Variants in RHEB observed in about 807,000 individuals in gnomAD.
RHEB encodes Ras homolog, mTORC1 binding.
Under a neutral mutation model 28.8 loss-of-function variants are expected in RHEB, and 2 were observed. The ratio of observed to expected loss-of-function variants is 0.07; its 90% CI spans 0.03 to 0.22. The LOEUF is 0.22. Among genes scored for constraint, RHEB ranks in the 10% least tolerant of loss-of-function variants. RHEB has a pLI of 1.00. For missense variants in RHEB, 76 were observed against 219.9 expected, an observed-to-expected ratio of 0.35 and a Z score of 4.14; for synonymous variants, 69 against 77.3, an observed-to-expected ratio of 0.89 and a Z score of 0.56.
chr7:151,484,446 T>G (rs572281525), intron 3 of RHEB, among the ~76,000 whole-genome samples: 2 of 152,336 alleles, frequency 1.3e-5, no homozygotes, highest in East Asian at 3.9e-4. Context: ...CATACTAACA[T>G]TTAGTTATCT....
chr7:151,488,370 A>G (rs895219224), intron 2 of RHEB, among the ~76,000 whole-genome samples: 5 of 152,342 alleles, frequency 3.3e-5, no homozygotes, highest in Non-Finnish European at 7.3e-5. Flanking sequence ...AGTGTTTGCT[A>G]TAACAGCTTG....
At chr7:151,509,329 T>C (rs545617663) in intron 1 of RHEB, among the ~76,000 whole-genome samples, 1 of 152,312 alleles carries the variant, frequency 6.6e-6, no homozygotes, top group East Asian at 1.9e-4. Flanking sequence ...CCTGTGTGGG[T>C]GGTCGCTAGG....
chr7:151,486,968 A>G (rs1802487902), intron 2 of RHEB, among the ~76,000 whole-genome samples: 2 of 152,186 alleles, frequency 1.3e-5, no homozygotes, highest in Admixed American at 1.3e-4. Context: ...GGTTTTAGGG[A>G]TGTTTTGGGA....
intron 1 of RHEB, among the ~76,000 whole-genome samples, chr7:151,511,465 C>T (rs1390276230): frequency 6.6e-6 from 1 of 150,754 alleles, no homozygotes; most frequent in African/African-American, 2.4e-5. Context: ...TTAAACTGCC[C>T]TGCTTTCTTA....
intron 1 of RHEB, among the ~76,000 whole-genome samples, chr7:151,494,328 C>A (rs1052788130): frequency 2.6e-5 from 4 of 152,092 alleles, no homozygotes; most frequent in African/African-American, 9.7e-5. Flanking sequence ...ACCTGACTTG[C>A]GGGAGTGAAG....
chr7:151,501,311 CAAAG>C (rs938556736), intron 1 of RHEB, among the ~76,000 whole-genome samples: 1 of 152,070 alleles, frequency 6.6e-6, no homozygotes, highest in Non-Finnish European at 1.5e-5. Flanking sequence ...AACACTTTAA[CAAAG>C]AAAATATTCA....
chr7:151,470,048 G>A (rs1802133394), intron 7 of RHEB, among the ~76,000 whole-genome samples: 1 of 152,168 alleles, frequency 6.6e-6, no homozygotes, highest in African/African-American at 2.4e-5. Flanking sequence ...GCCTCCGGAG[G>A]CAGAATCTAC....
intron 1 of RHEB, among the ~76,000 whole-genome samples, chr7:151,508,328 T>TC (rs1323800121): frequency 2.8e-4 from 43 of 151,966 alleles, no homozygotes; most frequent in Admixed American, 2.8e-3. Flanking sequence ...GATAATTTCT[T>TC]CAAAAGTTCT....
chr7:151,516,885 C>T (rs532158551), intron 1 of RHEB, among the ~76,000 whole-genome samples: 8 of 152,242 alleles, frequency 5.3e-5, no homozygotes, highest in African/African-American at 1.9e-4. Context: ...AACACAGGTA[C>T]TCAAATTTCT....
At chr7:151,502,894 A>G in intron 1 of RHEB, 1 of 836,546 alleles carries the variant, frequency 1.2e-6, no homozygotes, top group Non-Finnish European at 2.1e-6. Context: ...ATCAGAGGTT[A>G]CAATCGAAAG....
chr7:151,517,384 A>AG (rs1803100967), intron 1 of RHEB, among the ~76,000 whole-genome samples: 1 of 152,000 alleles, frequency 6.6e-6, no homozygotes, highest in East Asian at 1.9e-4. Flanking sequence ...AAAAAAAAAA[A>AG]AAAAATCAAA....
intron 1 of RHEB, among the ~76,000 whole-genome samples, chr7:151,510,211 T>A (rs1019536632): frequency 6.6e-6 from 1 of 152,022 alleles, no homozygotes; most frequent in East Asian, 1.9e-4. Context: ...ACCACCCCCA[T>A]CCCCACTTGA....
intron 1 of RHEB, among the ~76,000 whole-genome samples, chr7:151,516,179 T>C (rs1372057035): frequency 1.3e-5 from 2 of 152,142 alleles, no homozygotes; most frequent in East Asian, 1.9e-4. Context: ...CCCAGAGTTA[T>C]AGGTGACGTG....
intron 1 of RHEB, among the ~76,000 whole-genome samples, chr7:151,517,128 C>T (rs1246943560): frequency 2.0e-5 from 3 of 152,186 alleles, no homozygotes; most frequent in African/African-American, 7.2e-5. Flanking sequence ...CTTTGGGAGG[C>T]CAAGGTGGGA....
chr7:151,482,862 C>T (rs1402814542), intron 3 of RHEB, among the ~76,000 whole-genome samples: 1 of 152,194 alleles, frequency 6.6e-6, no homozygotes, highest in East Asian at 1.9e-4. Flanking sequence ...CGGCTCTTCC[C>T]TTCCCTACTA....
intron 1 of RHEB, among the ~76,000 whole-genome samples, chr7:151,492,495 C>T (rs770550912): frequency 3.3e-5 from 5 of 151,558 alleles, no homozygotes; most frequent in Admixed American, 1.3e-4. Flanking sequence ...TGGGCACCTG[C>T]GATCCCAGCT....
intron 3 of RHEB, among the ~76,000 whole-genome samples, chr7:151,480,254 TCTAA>T (rs1380784735): frequency 1.3e-5 from 2 of 152,154 alleles, no homozygotes; most frequent in Non-Finnish European, 2.9e-5. Context: ...CCAGCAACAG[TCTAA>T]CTGTTGATCA....
chr7:151,518,844 T>A (rs969166682), intron 1 of RHEB, among the ~76,000 whole-genome samples: 3 of 152,010 alleles, frequency 2.0e-5, no homozygotes, highest in Admixed American at 6.6e-5. Flanking sequence ...GCCAGCAGCA[T>A]CTCGAGGGCC....
At chr7:151,467,988 C>T (rs1802096146) in intron 7 of RHEB, among the ~76,000 whole-genome samples, 1 of 152,124 alleles carries the variant, frequency 6.6e-6, no homozygotes. Context: ...CCTTATGCAC[C>T]AGGACAACAG....
Sources: gnomAD v4.1 joint callset for allele counts (sites outside exome capture counted in the v4.1 genomes callset) on GRCh38, gnomAD v4.1.1 for gene constraint, MANE v1.5 for transcripts, NCBI Gene and HGNC (gene_info 2026-07-23, HGNC 2026-07-21) for gene names.